Variants in ZFC3H1 observed in about 807,000 individuals in gnomAD.
ZFC3H1 encodes zinc finger C3H1-type containing, also known as zinc finger C3H1 domain-containing protein.
Under a neutral mutation model 243.7 loss-of-function variants are expected in ZFC3H1, and 71 were observed. The observed-to-expected ratio is 0.29, with a 90% CI of 0.24 to 0.36. The LOEUF (loss-of-function observed/expected upper bound fraction) is 0.36. Among genes scored for constraint, ZFC3H1 ranks in the 10% least tolerant of loss-of-function variants. ZFC3H1 has a pLI of 1.00. For missense variants in ZFC3H1, 1,966 were observed against 2,317.1 expected, an observed-to-expected ratio of 0.85 and a Z score of 3.11; for synonymous variants, 838 against 813.0, an observed-to-expected ratio of 1.03 and a Z score of -0.52.
At chr12:71,619,842 G>C (rs1272026470) in intron 26 of ZFC3H1, 84 bp downstream of exon 26, 4 of 1,259,786 alleles carry the variant, frequency 3.2e-6, no homozygotes, top group Non-Finnish European at 4.4e-6. Context: ...AGGGTAAAAG[G>C]ACCAGGAAAC....
Position 71,611,772 on chromosome 12 carries a change from G to C in ZFC3H1, c.5729+14C>G. The C allele has an allele frequency of 6.3e-6, 10 of 1,580,774 alleles. No individual in the cohort carries two copies. The highest frequency in any genetic ancestry group is 8.7e-6 in the Non-Finnish European group (10 of 1,154,932). ...GCAATAGCTATAAAAACATGTACAT[G>C]ATTGTTGCATTACATTTTCCAGGTG... On this transcript the variant is annotated intron_variant, in intron 32 of 34. Transcript: ENST00000378743.
chr12:71,625,520 C>T (rs1209199531), intron 22 of ZFC3H1, among the ~76,000 whole-genome samples: 1 of 152,090 alleles, frequency 6.6e-6, no homozygotes, highest in Non-Finnish European at 1.5e-5. Flanking sequence ...AGCAAAAACC[C>T]ATCTCTACAA....
Position 71,657,144 on chromosome 12 carries a change from G to C in ZFC3H1, c.756C>G (p.Ser252Arg), listed in dbSNP as rs779172756. 1.2e-6 allele frequency: 2 copies of C among 1,613,824 alleles called. No individual in the cohort carries two copies. The highest frequency in any genetic ancestry group is 1.7e-5 in the Admixed American group (1 of 60,012). Residue 252 changes from serine (S) to arginine (R), a missense_variant, in exon 2 of 35, where the codon AGC becomes AGG. Ser to Arg is a moderately radical substitution (Grantham distance 110, BLOSUM62 -1). Coordinates refer to ENST00000378743, the MANE Select transcript of ZFC3H1 (RefSeq NM_144982.5). ...GATCTTCCTGCACATTCTCTTCTTT[G>C]CTACTCAATGCTAGTTTTTCATCCT... ...INKDEKLALS[S>R]KEENVQEDPK...
chr12:71,649,802 T>A (rs994184958), intron 2 of ZFC3H1, among the ~76,000 whole-genome samples: 4 of 152,352 alleles, frequency 2.6e-5, no homozygotes, highest in Admixed American at 6.5e-5. Context: ...CTCACTTGTC[T>A]ATAAAAAATG....
rs770985416 is a variant in ZFC3H1 at position 71,635,406 on chromosome 12, G to A, written c.2238+37C>T. 5 of 1,543,216 alleles carry A rather than the reference G, an allele frequency of 3.2e-6. No homozygotes were observed. The Admixed American group carries it at 1.2e-4, about 37-fold the overall frequency. ...AAATAAACTTTACTGATCATCAAAA[G>A]GTCATCTTTCTTTCCACCTTTAATT... On this transcript the variant is annotated intron_variant, in intron 10 of 34. Transcript: ENST00000378743.
At chr12:71,622,700 C>A (rs1477963548) in intron 24 of ZFC3H1, among the ~76,000 whole-genome samples, 1 of 152,212 alleles carries the variant, frequency 6.6e-6, no homozygotes, top group East Asian at 1.9e-4. Context: ...TGACCTCAGG[C>A]AATCCGCGCA....
intron 19 of ZFC3H1, 40 bp from the exon 20 acceptor site, chr12:71,629,077 G>A: frequency 7.4e-7 from 1 of 1,351,080 alleles, no homozygotes; most frequent in Admixed American, 2.4e-5. Context: ...GATATAACTA[G>A]TTTTTTTTTT....
intron 31 of ZFC3H1, among the ~76,000 whole-genome samples, chr12:71,612,122 G>GT (rs1408088778): frequency 6.6e-6 from 1 of 152,062 alleles, no homozygotes; most frequent in Non-Finnish European, 1.5e-5. Flanking sequence ...TAAGGTCCAT[G>GT]TATTTCTATA....
intron 2 of ZFC3H1, among the ~76,000 whole-genome samples, chr12:71,651,993 A>G (rs73344211): frequency 6.6e-4 from 100 of 152,336 alleles, no homozygotes; most frequent in African/African-American, 2.3e-3. Flanking sequence ...GAAAGTGAAA[A>G]GCTGGAATTG....
At position 71,656,748 on chromosome 12, in the gene ZFC3H1, T is replaced by C. The variant is rs1054902454; in HGVS notation, c.1015+137A>G. The C allele has an allele frequency of 1.0e-5, 9 of 858,138 alleles. No homozygotes were observed. The East Asian group carries it at 2.1e-4, about 20-fold the overall frequency. The allele number at this position is 858,138 out of a possible 1,614,324, so 53.2% of individuals were successfully genotyped here. On this transcript the variant is annotated intron_variant, in intron 2 of 34. Coordinates refer to ENST00000378743, the MANE Select transcript of ZFC3H1 (RefSeq NM_144982.5). ...AACAAAATTAGTAATTATTCAATGATATGAATGTCTACATAGAAAGTACAA... is the reference window on the plus strand; with the variant it reads ...AACAAAATTAGTAATTATTCAATGACATGAATGTCTACATAGAAAGTACAA...
In ZFC3H1 at chr12:71,613,144, G is replaced by A. The variant is rs191599937; in HGVS notation, c.5627+191C>T. On this transcript the variant is annotated intron_variant, in intron 31 of 34. Coordinates refer to ENST00000378743, the MANE Select transcript of ZFC3H1 (RefSeq NM_144982.5). ...TTTGTAACCTGAAGTTTTCTGAAGC[G>A]ACCAGAATTTTTACACTGACTTTTG... 9.2e-5 allele frequency among the ~76,000 whole-genome samples: 14 copies of A among 152,214 alleles called. No individual in the cohort carries two copies. In the East Asian group the frequency reaches 1.5e-3, roughly 17 times the overall value.
intron 22 of ZFC3H1, among the ~76,000 whole-genome samples, chr12:71,625,390 G>A (rs1880138903): frequency 6.6e-6 from 1 of 152,056 alleles, no homozygotes; most frequent in Non-Finnish European, 1.5e-5. Flanking sequence ...TTAAGTCTGG[G>A]TAAAAAACAT....
At position 71,663,844 on chromosome 12, in the gene ZFC3H1, G is replaced by A. The variant is rs1014696589; in HGVS notation, c.-234C>T. The A allele has an allele frequency of 7.1e-6, 4 of 566,206 alleles. No homozygotes were observed. Among genetic ancestry groups the A allele is most frequent in the Non-Finnish European group, 1.2e-5 (4 of 321,102 alleles). 35.1% of individuals were successfully genotyped at this position (566,206 alleles called of 1,614,324 possible). On this transcript the variant is annotated 5_prime_UTR_variant, in exon 1 of 35. Coordinates refer to ENST00000378743, the MANE Select transcript of ZFC3H1 (RefSeq NM_144982.5). ...GCCCCCTTGCTCCTCAGCGATCGGG[G>A]TTCTTCCGCCTCGCGAGAAAGGGAC...
At chr12:71,629,133 C>A in intron 19 of ZFC3H1, 96 bp from the exon 20 acceptor site, 8 of 1,004,772 alleles carry the variant, frequency 8.0e-6, no homozygotes, top group Non-Finnish European at 1.1e-5. Context: ...GAACTACATT[C>A]ACTCCATCTT....
At chr12:71,617,113 C>T (rs1450805040) in intron 27 of ZFC3H1, among the ~76,000 whole-genome samples, 2 of 152,142 alleles carry the variant, frequency 1.3e-5, no homozygotes, top group Non-Finnish European at 2.9e-5. Flanking sequence ...TAGTGCTAAG[C>T]ATTTTGCTTA....
intron 2 of ZFC3H1, among the ~76,000 whole-genome samples, chr12:71,654,914 C>T (rs111432367): frequency 0.018 from 2,761 of 152,156 alleles, 71 homozygotes; most frequent in African/African-American, 0.062. Flanking sequence ...ACAAAATAGT[C>T]TTTTAGGCAA....
chr12:71,617,659 T>A (rs1305588677), intron 27 of ZFC3H1, among the ~76,000 whole-genome samples: 1 of 152,230 alleles, frequency 6.6e-6, no homozygotes, highest in Non-Finnish European at 1.5e-5. Flanking sequence ...ATTAGCCCTT[T>A]GCCTGAGCTT....
chr12:71,625,346 T>C lies in ZFC3H1; in HGVS notation c.4317+914A>G, dbSNP rs114844487. ...CAGGTGATAAAAGTTCAGGTGAATA[T>C]TTATTTTATTTCTCAAGTGGATCAA... is the stretch of plus-strand genomic sequence containing the variant. On this transcript the variant is annotated intron_variant, in intron 22 of 34. Coordinates refer to ENST00000378743, the MANE Select transcript of ZFC3H1 (RefSeq NM_144982.5). Among the ~76,000 whole-genome samples the C allele has an allele frequency of 9.1e-3, 1,387 of 152,284 alleles. 8 individuals carry two copies. Among genetic ancestry groups the C allele is most frequent in the Middle Eastern group, 0.027 (8 of 294 alleles).
chr12:71,638,407 TTC>T lies in ZFC3H1; in HGVS notation c.1725+9_1725+10del. The T allele has an allele frequency of 6.2e-7, 1 of 1,608,554 alleles. No homozygotes were observed. The highest frequency in any genetic ancestry group is 1.3e-5 in the African/African-American group (1 of 74,804). On this transcript the variant is annotated intron_variant, in intron 7 of 34. Coordinates refer to ENST00000378743, the MANE Select transcript of ZFC3H1 (RefSeq NM_144982.5). ...ACAAAATAATTTTCTTAGAAATCAA[TTC>T]TGACTTACAGAAACCTGAGGTGGTG...
Sources: gnomAD v4.1 joint callset for allele counts (sites outside exome capture counted in the v4.1 genomes callset) on GRCh38, gnomAD v4.1.1 for gene constraint, MANE v1.5 for transcripts, NCBI Gene and HGNC (gene_info 2026-07-23, HGNC 2026-07-21) for gene names.